The following NAV3 variants were observed in gnomAD, a reference collection of about 807,000 sequenced individuals.
The protein encoded by NAV3 is neuron navigator 3, also known as pore membrane and/or filament interacting like protein 1.
Under a neutral mutation model 244.7 loss-of-function variants are expected in NAV3, and 87 were observed. The observed-to-expected ratio is 0.36, with a 90% CI of 0.30 to 0.42. The LOEUF (loss-of-function observed/expected upper bound fraction) is 0.42, where lower values mean the gene tolerates loss of function less well. NAV3 is among the 20% of genes least tolerant of loss of function. The pLI is 1.00. For synonymous variants in NAV3, 1,126 were observed against 1,042.2 expected, an observed-to-expected ratio of 1.08 and a Z score of -1.55; for missense variants, 2,663 against 2,893.3, an observed-to-expected ratio of 0.92 and a Z score of 1.83.
chr12:78,059,369 A>G (rs1226651480), intron 12 of NAV3, among the ~76,000 whole-genome samples: 2 of 151,750 alleles, frequency 1.3e-5, no homozygotes, highest in East Asian at 1.9e-4. Flanking sequence ...GCTCACTGCA[A>G]CCTCTGCCTC....
At chr12:77,577,107 A>T (rs1869123389) in intron 2 of NAV3, among the ~76,000 whole-genome samples, 1 of 152,144 alleles carries the variant, frequency 6.6e-6, no homozygotes, top group South Asian at 2.1e-4. Context: ...TAATGTGTAG[A>T]CATAAACATG....
intron 20 of NAV3, among the ~76,000 whole-genome samples, chr12:78,141,726 T>G (rs1010989208): frequency 1.3e-5 from 2 of 152,136 alleles, no homozygotes; most frequent in African/African-American, 4.8e-5. Context: ...AATGTACTTT[T>G]TGTGCAAATG....
intron 23 of NAV3, among the ~76,000 whole-genome samples, chr12:78,165,417 C>T (rs1028106889): frequency 1.9e-4 from 29 of 151,176 alleles, no homozygotes; most frequent in Non-Finnish European, 3.7e-4. Context: ...ATACATTTTT[C>T]AGTTTTTTTT....
intron 2 of NAV3, among the ~76,000 whole-genome samples, chr12:77,709,231 G>T (rs961937329): frequency 6.6e-6 from 1 of 152,122 alleles, no homozygotes; most frequent in Non-Finnish European, 1.5e-5. Flanking sequence ...ACACAGAAAA[G>T]ACCTTTGACA....
chr12:78,046,785 T>C (rs770474651), intron 9 of NAV3, among the ~76,000 whole-genome samples: 1 of 152,138 alleles, frequency 6.6e-6, no homozygotes, highest in Non-Finnish European at 1.5e-5. Context: ...CTGAATATCT[T>C]TGTTAATTTT....
chr12:77,975,796 G>A (rs1290559294), intron 5 of NAV3, among the ~76,000 whole-genome samples: 3 of 149,322 alleles, frequency 2.0e-5, no homozygotes, highest in Non-Finnish European at 4.5e-5. Flanking sequence ...TTCCTGGAGA[G>A]AGGGGAAGAT....
At position 78,152,253 on chromosome 12, in the gene NAV3, T is replaced by A. The variant is rs545279965; in HGVS notation, c.4785+3334T>A. 4.0e-3 allele frequency among the ~76,000 whole-genome samples: 596 copies of A among 150,880 alleles called. 1 individual carries two copies. Among genetic ancestry groups the A allele is most frequent in the Non-Finnish European group, 6.2e-3 (417 of 67,722 alleles). On this transcript the variant is annotated intron_variant, in intron 22 of 39. Transcript: ENST00000397909. ...GAAGATATGCATTAACATCTACTTT[T>A]AAAAAAAAGTTTATTAAAATTCTCT...
intron 1 of NAV3, among the ~76,000 whole-genome samples, chr12:77,887,837 T>C (rs1221566098): frequency 6.6e-6 from 1 of 152,158 alleles, no homozygotes; most frequent in Non-Finnish European, 1.5e-5. Context: ...TTTTTTAAGA[T>C]ATGAAACATT....
intron 2 of NAV3, among the ~76,000 whole-genome samples, chr12:77,818,794 A>G (rs371759356): frequency 2.2e-4 from 33 of 152,236 alleles, no homozygotes; most frequent in African/African-American, 7.5e-4. Flanking sequence ...TGTTCTTTCT[A>G]TTCCAGAAAT....
intron 9 of NAV3, among the ~76,000 whole-genome samples, chr12:78,034,097 C>A (rs1471579360): frequency 6.6e-6 from 1 of 152,184 alleles, no homozygotes; most frequent in African/African-American, 2.4e-5. Context: ...TGCAATATAA[C>A]AATCTAATTC....
chr12:78,134,875 T>C (rs1305138534), intron 18 of NAV3, among the ~76,000 whole-genome samples: 1 of 152,226 alleles, frequency 6.6e-6, no homozygotes, highest in Non-Finnish European at 1.5e-5. Flanking sequence ...TTTGCCAAGA[T>C]AGTGGCTTGG....
chr12:77,757,330 A>C (rs1869234528), intron 2 of NAV3, among the ~76,000 whole-genome samples: 1 of 152,210 alleles, frequency 6.6e-6, no homozygotes, highest in African/African-American at 2.4e-5. Flanking sequence ...TTCCTGTAGC[A>C]ATGGGCCTGT....
At chr12:77,725,085 G>C (rs1876816866) in intron 2 of NAV3, among the ~76,000 whole-genome samples, 2 of 151,960 alleles carry the variant, frequency 1.3e-5, no homozygotes, top group Admixed American at 6.6e-5. Context: ...TCTTCACATA[G>C]TTTATTTCAA....
chr12:77,592,466 A>G (rs1869950571), intron 2 of NAV3, among the ~76,000 whole-genome samples: 1 of 152,060 alleles, frequency 6.6e-6, no homozygotes, highest in Non-Finnish European at 1.5e-5. Flanking sequence ...TTTTTGTGTC[A>G]CTCTGAAGCG....
intron 1 of NAV3, among the ~76,000 whole-genome samples, chr12:77,836,461 T>C (rs1279763026): frequency 1.3e-5 from 2 of 152,210 alleles, no homozygotes; most frequent in African/African-American, 2.4e-5. Flanking sequence ...AGCAATTATT[T>C]TTTGTGGACA....
intron 2 of NAV3, among the ~76,000 whole-genome samples, chr12:77,689,242 A>G (rs1195053440): frequency 6.6e-6 from 1 of 152,002 alleles, no homozygotes; most frequent in African/African-American, 2.4e-5. Flanking sequence ...TAGGGGAAAG[A>G]AAAGTCTCAG....
At chr12:78,094,146 G>A (rs1209670345) in intron 12 of NAV3, among the ~76,000 whole-genome samples, 1 of 152,092 alleles carries the variant, frequency 6.6e-6, no homozygotes, top group Non-Finnish European at 1.5e-5. Flanking sequence ...GACCTATTTT[G>A]CTTTTTAAGG....
chr12:78,179,753 T>G, intron 29 of NAV3, 71 bp downstream of exon 29: 1 of 1,493,634 alleles, frequency 6.7e-7, no homozygotes. Flanking sequence ...GTTCTCTTGG[T>G]TAACACAGAA....
At chr12:77,601,042 A>G (rs1437349467) in intron 2 of NAV3, among the ~76,000 whole-genome samples, 1 of 151,996 alleles carries the variant, frequency 6.6e-6, no homozygotes, top group Non-Finnish European at 1.5e-5. Context: ...TTCTTGTACC[A>G]TTTCCTTACT....
Sources: gnomAD v4.1 joint callset for allele counts (sites outside exome capture counted in the v4.1 genomes callset) on GRCh38, gnomAD v4.1.1 for gene constraint, MANE v1.5 for transcripts, NCBI Gene and HGNC (gene_info 2026-07-23, HGNC 2026-07-21) for gene names.